The following ARHGAP42 variants were observed in gnomAD, a reference collection of about 807,000 sequenced individuals.
ARHGAP42 encodes Rho GTPase activating protein 42, also known as rho GTPase-activating protein 42.
In ARHGAP42, 63 loss-of-function variants were observed where a neutral mutation model predicts 125.0. That is an observed-to-expected ratio of 0.50 (90% CI 0.41 to 0.62). The LOEUF (loss-of-function observed/expected upper bound fraction) is 0.62, where lower values mean the gene tolerates loss of function less well. ARHGAP42 is among the 20% of genes least tolerant of loss of function. The pLI, the probability that ARHGAP42 is intolerant of heterozygous loss-of-function variation, is 0.00. For missense variants in ARHGAP42, 766 were observed against 1,024.2 expected (o/e 0.75, Z 3.44); for synonymous variants, 339 against 351.0 (o/e 0.97, Z 0.38).
chr11:100,692,025 A>G lies in ARHGAP42; in HGVS notation c.154+4193A>G, dbSNP rs1020474676. ...AAAAATAAAAAAAGAAATAAATAGC[A>G]AGAGTTATACTCACTGAATTGAATT... On this transcript the variant is annotated intron_variant, in intron 1 of 23. Transcript: ENST00000298815. 2.6e-5 allele frequency among the ~76,000 whole-genome samples: 4 copies of G among 151,928 alleles called. No homozygotes were observed. In the South Asian group the frequency reaches 6.2e-4, roughly 24 times the overall value.
chr11:100,991,182 G>T lies in ARHGAP42; in HGVS notation c.*2381G>T, dbSNP rs1165529621. ...GGATGGCTCTTTTTCCTTCATAATG[G>T]ATTACAATGTAAGCAAGTCATGGCC... On this transcript the variant is annotated 3_prime_UTR_variant, in exon 24 of 24. Transcript: ENST00000298815. 6.7e-6 allele frequency: 1 copy of T among 148,912 alleles called. No individual in the cohort carries two copies. The highest frequency in any genetic ancestry group is 2.4e-5 in the African/African-American group (1 of 41,148). 9.2% of individuals were successfully genotyped at this position (148,912 alleles called of 1,614,324 possible).
At chr11:100,812,664 G>T (rs1864174433) in intron 3 of ARHGAP42, among the ~76,000 whole-genome samples, 1 of 152,196 alleles carries the variant, frequency 6.6e-6, no homozygotes, top group Non-Finnish European at 1.5e-5. Flanking sequence ...TTTTCAGGTT[G>T]CCCAGACAGC....
At chr11:100,900,097 G>A (rs1417013829) in intron 4 of ARHGAP42, among the ~76,000 whole-genome samples, 2 of 152,148 alleles carry the variant, frequency 1.3e-5, no homozygotes, top group Non-Finnish European at 2.9e-5. Flanking sequence ...TGTAAGGCAG[G>A]CCTGGTGGTG....
chr11:100,930,882 C>T (rs12283290), intron 6 of ARHGAP42, among the ~76,000 whole-genome samples: 14,555 of 152,178 alleles, frequency 0.096, 962 homozygotes, highest in Non-Finnish European at 0.13. Context: ...CCAGCATCTT[C>T]TCCAGATGTC....
intron 3 of ARHGAP42, among the ~76,000 whole-genome samples, chr11:100,857,685 G>A (rs1044385888): frequency 6.6e-6 from 1 of 152,028 alleles, no homozygotes; most frequent in Non-Finnish European, 1.5e-5. Context: ...CGTTACTAAA[G>A]TTCCAGTGGC....
chr11:100,735,077 A>G (rs1846227599), intron 1 of ARHGAP42, among the ~76,000 whole-genome samples: 1 of 152,356 alleles, frequency 6.6e-6, no homozygotes, highest in African/African-American at 2.4e-5. Flanking sequence ...CAGCTTAGTT[A>G]CCAACTGGAT....
At chr11:100,773,680 A>G (rs1023591256) in intron 2 of ARHGAP42, among the ~76,000 whole-genome samples, 3 of 152,236 alleles carry the variant, frequency 2.0e-5, no homozygotes, top group Admixed American at 6.5e-5. Context: ...CCCAAGTTGT[A>G]GTGAACTTGA....
chr11:100,968,786 A>T (rs375460021), intron 17 of ARHGAP42, among the ~76,000 whole-genome samples: 1 of 152,300 alleles, frequency 6.6e-6, no homozygotes, highest in East Asian at 1.9e-4. Context: ...TGTCAAATAT[A>T]TCACATTTTT....
intron 8 of ARHGAP42, among the ~76,000 whole-genome samples, chr11:100,940,467 C>T (rs1867848887): frequency 6.6e-6 from 1 of 152,124 alleles, no homozygotes; most frequent in African/African-American, 2.4e-5. Context: ...TATGGGAAAA[C>T]TGAAGGTCTT....
In ARHGAP42 at chr11:100,992,140, A is replaced by G. The variant is rs1858846559; in HGVS notation, c.*3339A>G. ...AAGAGTCCCTCAGAGCTTTGCCTCA[A>G]GCAATTTCAAATTGTAGTGATACCT... On this transcript the variant is annotated 3_prime_UTR_variant, in exon 24 of 24. Transcript: ENST00000298815. 1 of 708,424 alleles carries G rather than the reference A, an allele frequency of 1.4e-6. No homozygotes were observed. The highest frequency in any genetic ancestry group is 2.3e-6 in the Non-Finnish European group (1 of 442,420). The allele number at this position is 708,424 out of a possible 1,614,324, so 43.9% of individuals were successfully genotyped here.
chr11:100,869,411 T>C (rs1865648530), intron 4 of ARHGAP42, among the ~76,000 whole-genome samples: 1 of 152,004 alleles, frequency 6.6e-6, no homozygotes, highest in Admixed American at 6.5e-5. Context: ...TCCTCTTTTT[T>C]TTTTTTTCTT....
At chr11:100,781,913 A>G (rs145907753) in intron 2 of ARHGAP42, among the ~76,000 whole-genome samples, 2 of 150,862 alleles carry the variant, frequency 1.3e-5, no homozygotes, top group Non-Finnish European at 2.9e-5. Flanking sequence ...TCTGAGGCAC[A>G]CTGGCTGCAC....
In ARHGAP42 at chr11:100,941,116, A is replaced by G. The variant is rs141326680; in HGVS notation, c.833-668A>G. 2.9e-3 allele frequency among the ~76,000 whole-genome samples: 448 copies of G among 152,224 alleles called. 2 individuals carry two copies. The highest frequency in any genetic ancestry group is 0.011 in the Admixed American group (171 of 15,288). On this transcript the variant is annotated intron_variant, in intron 8 of 23. Coordinates refer to ENST00000298815, the MANE Select transcript of ARHGAP42 (RefSeq NM_152432.4). Reference sequence around the variant, plus strand: ...AACAGTGCAAGTCATGCAGGTATCTAAAGGAAAAGTAGTCCAGGCCTGGGA... The same window carrying G: ...AACAGTGCAAGTCATGCAGGTATCTGAAGGAAAAGTAGTCCAGGCCTGGGA...
intron 3 of ARHGAP42, among the ~76,000 whole-genome samples, chr11:100,800,453 A>G (rs564533117): frequency 1.3e-5 from 2 of 152,260 alleles, no homozygotes; most frequent in South Asian, 4.1e-4. Context: ...GGCCTTAGGA[A>G]TCCAGAAAGC....
chr11:100,734,098 C>A (rs1862014714), intron 1 of ARHGAP42, among the ~76,000 whole-genome samples: 2 of 150,972 alleles, frequency 1.3e-5, no homozygotes, highest in Non-Finnish European at 2.9e-5. Flanking sequence ...GCATGCCCAG[C>A]TAATTTTTGT....
chr11:100,747,506 C>T (rs1591146875), intron 1 of ARHGAP42, among the ~76,000 whole-genome samples: 1 of 152,258 alleles, frequency 6.6e-6, no homozygotes. Flanking sequence ...TTAAGAAAAT[C>T]CTGTTGTGCT....
intron 13 of ARHGAP42, among the ~76,000 whole-genome samples, chr11:100,960,645 C>T (rs1219662038): frequency 2.0e-5 from 3 of 152,132 alleles, no homozygotes; most frequent in Non-Finnish European, 2.9e-5. Flanking sequence ...CCCTTCCCAT[C>T]TCCATTGCTT....
At chr11:100,959,779 A>T in intron 12 of ARHGAP42, 104 bp from the exon 13 acceptor site, 1 of 1,057,868 alleles carries the variant, frequency 9.5e-7, no homozygotes, top group Non-Finnish European at 1.4e-6. Context: ...ACTCAGAAAA[A>T]ACCTCTCTAC....
intron 12 of ARHGAP42, among the ~76,000 whole-genome samples, chr11:100,959,339 T>TAAA (rs973651415): frequency 6.6e-6 from 1 of 152,148 alleles, no homozygotes; most frequent in African/African-American, 2.4e-5. Flanking sequence ...TGAATTATTT[T>TAAA]AAATATGGTA....
Sources: gnomAD v4.1 joint callset for allele counts (sites outside exome capture counted in the v4.1 genomes callset) on GRCh38, gnomAD v4.1.1 for gene constraint, MANE v1.5 for transcripts, NCBI Gene and HGNC (gene_info 2026-07-23, HGNC 2026-07-21) for gene names.